The following GAS7 variants were observed in gnomAD, a reference collection of about 807,000 sequenced individuals.
GAS7 encodes the protein growth arrest-specific protein 7.
A neutral mutation model predicts 71.1 loss-of-function variants in GAS7; 28 were observed. That is an observed-to-expected ratio of 0.39 (90% CI 0.29 to 0.54). GAS7 has a LOEUF of 0.54. Ranked by LOEUF, GAS7 falls within the 20% of genes least tolerant of loss-of-function variation. The pLI, the probability that GAS7 is intolerant of heterozygous loss-of-function variation, is 0.62. For synonymous variants in GAS7, 258 were observed against 245.8 expected, an observed-to-expected ratio of 1.05 and a Z score of -0.46; for missense variants, 436 against 627.8, an observed-to-expected ratio of 0.69 and a Z score of 3.27.
At chr17:10,011,870 G>C (rs1245137868) in intron 2 of GAS7, among the ~76,000 whole-genome samples, 3 of 152,036 alleles carry the variant, frequency 2.0e-5, no homozygotes, top group African/African-American at 4.8e-5. Flanking sequence ...CAGCTACTAG[G>C]GAGGCTGAGG....
intron 1 of GAS7, among the ~76,000 whole-genome samples, chr17:10,045,847 C>A (rs924400872): frequency 6.6e-6 from 1 of 152,222 alleles, no homozygotes; most frequent in Non-Finnish European, 1.5e-5. Context: ...TTCCATCCAT[C>A]ACTGTGTACC....
At chr17:10,165,055 C>A (rs1220214122) in intron 1 of GAS7, among the ~76,000 whole-genome samples, 12 of 150,700 alleles carry the variant, frequency 8.0e-5, no homozygotes, top group Non-Finnish European at 2.9e-5. Flanking sequence ...GAAGCTGAGG[C>A]AGGCGGATCA....
At chr17:10,073,384 C>T (rs149599975) in intron 1 of GAS7, among the ~76,000 whole-genome samples, 2 of 152,330 alleles carry the variant, frequency 1.3e-5, no homozygotes, top group African/African-American at 4.8e-5. Context: ...ATCCTTCACA[C>T]TCACTGGTAA....
chr17:10,022,639 G>A (rs1252293298), intron 1 of GAS7, among the ~76,000 whole-genome samples: 2 of 152,200 alleles, frequency 1.3e-5, no homozygotes, highest in Non-Finnish European at 2.9e-5. Flanking sequence ...TGTGGAAGAC[G>A]ACGGAGAGGG....
chr17:9,962,019 T>C (rs57519906), intron 4 of GAS7, among the ~76,000 whole-genome samples: 1,748 of 152,284 alleles, frequency 0.011, 36 homozygotes, highest in African/African-American at 0.04. Context: ...TCGCACCTCC[T>C]CCTTATAACT....
chr17:10,169,899 C>T (rs755159170), intron 1 of GAS7, among the ~76,000 whole-genome samples: 2 of 152,150 alleles, frequency 1.3e-5, no homozygotes, highest in African/African-American at 2.4e-5. Context: ...CCTCCCCAAA[C>T]CTGCTGCTTC....
chr17:9,963,470 T>G (rs144757718), intron 4 of GAS7, among the ~76,000 whole-genome samples: 133 of 152,216 alleles, frequency 8.7e-4, no homozygotes, highest in African/African-American at 2.9e-3. Flanking sequence ...AGCAGTTTTT[T>G]GGTGGGGGAA....
chr17:9,988,487 C>T (rs1408177505), intron 2 of GAS7, among the ~76,000 whole-genome samples: 1 of 152,180 alleles, frequency 6.6e-6, no homozygotes, highest in Non-Finnish European at 1.5e-5. Flanking sequence ...ACCTGGTTCC[C>T]TCCTGCGCAC....
chr17:10,156,654 G>C (rs2074207511), intron 1 of GAS7, among the ~76,000 whole-genome samples: 1 of 152,114 alleles, frequency 6.6e-6, no homozygotes, highest in African/African-American at 2.4e-5. Context: ...GAAAGTCATA[G>C]GTAGGAGATG....
At chr17:10,144,033 G>C (rs534208786) in intron 1 of GAS7, among the ~76,000 whole-genome samples, 1 of 152,340 alleles carries the variant, frequency 6.6e-6, no homozygotes, top group African/African-American at 2.4e-5. Flanking sequence ...TCAGAGCTCT[G>C]CCAGGCAGTG....
intron 2 of GAS7, among the ~76,000 whole-genome samples, chr17:10,005,344 C>CAT (rs1383640337): frequency 2.7e-5 from 4 of 150,764 alleles, no homozygotes; most frequent in African/African-American, 7.4e-5. Context: ...CACACACACA[C>CAT]ACATATATAT....
intron 7 of GAS7, among the ~76,000 whole-genome samples, chr17:9,942,263 A>G (rs2068629550): frequency 6.6e-6 from 1 of 152,304 alleles, no homozygotes; most frequent in African/African-American, 2.4e-5. Context: ...AAAAGAAAAA[A>G]AAAAAAGAAA....
chr17:10,094,555 G>A (rs1434612115), intron 1 of GAS7, among the ~76,000 whole-genome samples: 3 of 151,510 alleles, frequency 2.0e-5, no homozygotes, highest in Admixed American at 2.0e-4. Flanking sequence ...TGCAACCTCC[G>A]CCTCCTGGAT....
chr17:10,121,573 T>G (rs1296408690), intron 1 of GAS7, among the ~76,000 whole-genome samples: 1 of 152,144 alleles, frequency 6.6e-6, no homozygotes, highest in Non-Finnish European at 1.5e-5. Flanking sequence ...AATGAGTGAA[T>G]GAAGGTCCAG....
intron 1 of GAS7, among the ~76,000 whole-genome samples, chr17:10,117,184 C>T (rs9897123): frequency 0.48 from 73,343 of 151,452 alleles, 18,064 homozygotes; most frequent in East Asian, 0.67. Context: ...CCCACTTTCC[C>T]TGGCTTTCGG....
intron 1 of GAS7, among the ~76,000 whole-genome samples, chr17:10,068,623 G>C (rs1466158777): frequency 1.3e-5 from 2 of 151,658 alleles, no homozygotes; most frequent in Non-Finnish European, 2.9e-5. Flanking sequence ...AATTAGCCAG[G>C]CATGGTGGCA....
intron 1 of GAS7, among the ~76,000 whole-genome samples, chr17:10,152,567 C>T (rs1228654247): frequency 6.6e-6 from 1 of 152,184 alleles, no homozygotes; most frequent in Non-Finnish European, 1.5e-5. Flanking sequence ...CAAGATGTGA[C>T]TCCAGATAGA....
rs1293257509 is a variant in GAS7, at chr17:9,913,251, T to C, written c.*3977A>G. On this transcript the variant is annotated 3_prime_UTR_variant, in exon 14 of 14. Coordinates refer to ENST00000432992, the MANE Select transcript of GAS7 (RefSeq NM_201433.2). ...GGCAAGGATTATGGGGATAAGACGATGTCCAGGCTACGTGGGGGGGCAGCT... is the reference window on the plus strand; with the variant it reads ...GGCAAGGATTATGGGGATAAGACGACGTCCAGGCTACGTGGGGGGGCAGCT... The C allele has an allele frequency of 1.3e-5, 3 of 232,466 alleles. No homozygotes were observed. Among genetic ancestry groups the C allele is most frequent in the African/African-American group, 6.6e-5 (3 of 45,280 alleles). 14.4% of individuals were successfully genotyped at this position (232,466 alleles called of 1,614,324 possible).
At chr17:10,036,676 C>T in intron 1 of GAS7, 1 of 1,328,904 alleles carries the variant, frequency 7.5e-7, no homozygotes. Flanking sequence ...TTGCATAGTT[C>T]CTTCCAAATC....
Sources: allele counts gnomAD v4.1 joint callset (sites outside exome capture counted in the v4.1 genomes callset), GRCh38; gene constraint gnomAD v4.1.1; transcripts MANE v1.5; gene names NCBI Gene and HGNC (gene_info 2026-07-23, HGNC 2026-07-21).